MAGI1: variants seen among roughly 807,000 people sequenced by gnomAD.
The protein encoded by MAGI1 is membrane associated guanylate kinase, WW and PDZ domain containing 1.
Under a neutral mutation model 139.9 loss-of-function variants are expected in MAGI1, and 58 were observed. That is an observed-to-expected ratio of 0.41 (90% CI 0.34 to 0.52). The LOEUF is 0.52. MAGI1 is among the 20% of genes least tolerant of loss of function. MAGI1 has a pLI of 0.12. For synonymous variants in MAGI1, 812 were observed against 737.9 expected (o/e 1.10, Z -1.63); for missense variants, 1,874 against 1,901.6 (o/e 0.99, Z 0.27).
chr3:65,836,852 T>C (rs146900612), intron 1 of MAGI1, among the ~76,000 whole-genome samples: 63 of 152,190 alleles, frequency 4.1e-4, no homozygotes, highest in African/African-American at 1.4e-3. Flanking sequence ...GAGCTGTGCT[T>C]TTTGTGGAGC....
At chr3:65,907,779 T>C (rs2061496744) in intron 1 of MAGI1, 1 of 152,206 alleles carries the variant, frequency 6.6e-6, no homozygotes, top group Admixed American at 6.5e-5. Context: ...TTCTCAAGCA[T>C]CTGATGGTCT....
At chr3:65,561,462 T>C (rs774213873) in intron 2 of MAGI1, among the ~76,000 whole-genome samples, 8 of 151,984 alleles carry the variant, frequency 5.3e-5, no homozygotes, top group Non-Finnish European at 1.0e-4. Context: ...GAAGCAAAAT[T>C]CAAGGAGGTG....
At chr3:65,464,503 A>T (rs1055395027) in intron 5 of MAGI1, among the ~76,000 whole-genome samples, 1 of 152,010 alleles carries the variant, frequency 6.6e-6, no homozygotes, top group Non-Finnish European at 1.5e-5. Flanking sequence ...TCTTTGACCC[A>T]TAGATTATTT....
chr3:65,803,073 AT>A (rs2040619160), intron 1 of MAGI1, among the ~76,000 whole-genome samples: 2 of 152,132 alleles, frequency 1.3e-5, no homozygotes, highest in South Asian at 2.1e-4. Flanking sequence ...ATCCTTGCCC[AT>A]TTTTTTGTTT....
At chr3:65,969,441 T>C (rs562992367) in intron 1 of MAGI1, among the ~76,000 whole-genome samples, 1 of 152,278 alleles carries the variant, frequency 6.6e-6, no homozygotes, top group South Asian at 2.1e-4. Context: ...TAACCAAAAA[T>C]ATCTCCAGAT....
intron 2 of MAGI1, among the ~76,000 whole-genome samples, chr3:65,505,516 G>A (rs1040426153): frequency 1.3e-5 from 2 of 151,730 alleles, no homozygotes; most frequent in Non-Finnish European, 2.9e-5. Flanking sequence ...ATAGTGGCAC[G>A]TGCCTGTAGT....
chr3:65,838,359 C>T (rs1315321519), intron 1 of MAGI1, among the ~76,000 whole-genome samples: 2 of 151,644 alleles, frequency 1.3e-5, no homozygotes, highest in African/African-American at 4.9e-5. Context: ...ATTTCATCAC[C>T]ACAAACATCT....
chr3:65,724,696 C>T (rs1022849529), intron 1 of MAGI1, among the ~76,000 whole-genome samples: 2 of 152,144 alleles, frequency 1.3e-5, no homozygotes, highest in African/African-American at 4.8e-5. Flanking sequence ...AATTGGCTCA[C>T]AGTTAAGCAA....
chr3:65,379,199 A>AAGAG, intron 17 of MAGI1, 62 bp downstream of exon 17: 1 of 1,604,356 alleles, frequency 6.2e-7, no homozygotes, highest in Non-Finnish European at 8.5e-7. Context: ...TTTCACTCGC[A>AAGAG]AGAGAACAAA....
At chr3:65,686,944 C>T (rs566625433) in intron 1 of MAGI1, among the ~76,000 whole-genome samples, 55 of 152,272 alleles carry the variant, frequency 3.6e-4, no homozygotes, top group Non-Finnish European at 6.9e-4. Flanking sequence ...GTAGCCCATT[C>T]GATGAATCTG....
chr3:65,847,200 CA>C (rs756799638), intron 1 of MAGI1, among the ~76,000 whole-genome samples: 23 of 152,068 alleles, frequency 1.5e-4, no homozygotes, highest in Admixed American at 4.6e-4. Flanking sequence ...TGACAAATCA[CA>C]AATCAGAGAC....
At chr3:65,440,680 T>C (rs1400098467) in intron 8 of MAGI1, among the ~76,000 whole-genome samples, 1 of 152,080 alleles carries the variant, frequency 6.6e-6, no homozygotes, top group Non-Finnish European at 1.5e-5. Flanking sequence ...CAATTAAAAG[T>C]ACAGGCCTTA....
At chr3:65,619,950 G>A in intron 2 of MAGI1, 2 of 985,344 alleles carry the variant, frequency 2.0e-6, no homozygotes, top group Middle Eastern at 5.2e-4. Context: ...CTTTATACCA[G>A]CAAAAACAAA....
At chr3:65,770,039 C>T (rs1379520183) in intron 1 of MAGI1, among the ~76,000 whole-genome samples, 1 of 152,138 alleles carries the variant, frequency 6.6e-6, no homozygotes, top group Non-Finnish European at 1.5e-5. Context: ...ATCTTGGGCC[C>T]ATGATGCTAT....
At chr3:65,511,349 C>T (rs1319474409) in intron 2 of MAGI1, among the ~76,000 whole-genome samples, 1 of 147,832 alleles carries the variant, frequency 6.8e-6, no homozygotes, top group Non-Finnish European at 1.5e-5. Context: ...AATTAAAAGA[C>T]ACAGACTGGC....
chr3:65,363,725 T>C, intron 20 of MAGI1, 117 bp from the exon 21 acceptor site: 1 of 789,596 alleles, frequency 1.3e-6, no homozygotes, highest in South Asian at 1.9e-5. Context: ...CTCTTGTTTA[T>C]TAATAATCTT....
In MAGI1 at chr3:65,508,748, CAT is replaced by C. The variant is rs199886774; in HGVS notation, c.431-15119_431-15118del. 8.1e-3 allele frequency among the ~76,000 whole-genome samples: 1,229 copies of C among 152,264 alleles called. 16 individuals are homozygous for C. Among genetic ancestry groups the C allele is most frequent in the African/African-American group, 0.028 (1,161 of 41,524 alleles). On this transcript the variant is annotated intron_variant, in intron 2 of 22. Transcript: ENST00000402939. Reference sequence around the variant, plus strand: ...AAGGAAATGGATACCTTTGTTGTGACATATAAATAACAAAAGAAAAAACTGGG... The same window carrying C: ...AAGGAAATGGATACCTTTGTTGTGACATAAATAACAAAAGAAAAAACTGGG...
intron 12 of MAGI1, among the ~76,000 whole-genome samples, chr3:65,417,174 G>T (rs1946281753): frequency 6.6e-6 from 1 of 152,166 alleles, no homozygotes; most frequent in Non-Finnish European, 1.5e-5. Flanking sequence ...CCTGTCGGAG[G>T]GCGGCAGGGG....
At chr3:65,754,055 AG>A (rs144073246) in intron 1 of MAGI1, among the ~76,000 whole-genome samples, 2,128 of 152,304 alleles carry the variant, frequency 0.014, 39 homozygotes, top group African/African-American at 0.048. Context: ...CATTGATCTT[AG>A]GGATTCCCAA....
Sources: gnomAD v4.1 joint callset for allele counts (sites outside exome capture counted in the v4.1 genomes callset) on GRCh38, gnomAD v4.1.1 for gene constraint, MANE v1.5 for transcripts, NCBI Gene and HGNC (gene_info 2026-07-23, HGNC 2026-07-21) for gene names.